Variants in TMEM132D observed in about 807,000 individuals in gnomAD.
The protein encoded by TMEM132D is transmembrane protein 132D.
In TMEM132D, 21 loss-of-function variants were observed where a neutral mutation model predicts 62.3. That is an observed-to-expected ratio of 0.34 (90% CI 0.24 to 0.49). The LOEUF (loss-of-function observed/expected upper bound fraction) is 0.49, where lower values mean the gene tolerates loss of function less well. TMEM132D is among the 20% of genes least tolerant of loss of function. The probability of loss-of-function intolerance (pLI) is 0.99; values close to 1 mark genes in which losing one functional copy is unlikely to be tolerated. For missense variants in TMEM132D, 1,346 were observed against 1,402.8 expected (o/e 0.96, Z 0.65); for synonymous variants, 621 against 575.6 (o/e 1.08, Z -1.13).
chr12:129,408,377 G>A (rs11609780), intron 3 of TMEM132D, among the ~76,000 whole-genome samples: 42,400 of 151,244 alleles, frequency 0.28, 6,991 homozygotes, highest in Non-Finnish European at 0.39. Flanking sequence ...GCTAGCATTT[G>A]AATGAGTGTC....
intron 2 of TMEM132D, among the ~76,000 whole-genome samples, chr12:129,689,983 C>T (rs77395107): frequency 0.034 from 5,166 of 152,180 alleles, 140 homozygotes; most frequent in African/African-American, 0.067. Context: ...AAATAAATGA[C>T]GGTAAAATAA....
At chr12:129,630,182 T>C (rs1438448106) in intron 2 of TMEM132D, among the ~76,000 whole-genome samples, 1 of 152,212 alleles carries the variant, frequency 6.6e-6, no homozygotes, top group Non-Finnish European at 1.5e-5. Flanking sequence ...ACAGGAGCTG[T>C]CCACTTTCAT....
chr12:129,846,223 A>G (rs1873356427), intron 1 of TMEM132D, among the ~76,000 whole-genome samples: 1 of 152,158 alleles, frequency 6.6e-6, no homozygotes, highest in African/African-American at 2.4e-5. Context: ...TCATTTAATT[A>G]CCCATGCACT....
chr12:129,082,055 T>G, intron 6 of TMEM132D, 23 bp from the exon 7 acceptor site: 1 of 1,579,912 alleles, frequency 6.3e-7, no homozygotes, highest in South Asian at 1.2e-5. Flanking sequence ...CAGTGCAGTT[T>G]GCAGACAGTT....
At chr12:129,833,742 A>C (rs1054466248) in intron 1 of TMEM132D, among the ~76,000 whole-genome samples, 4 of 152,212 alleles carry the variant, frequency 2.6e-5, no homozygotes, top group African/African-American at 9.7e-5. Context: ...TGCCACAGGC[A>C]CCGTCCCCAA....
intron 2 of TMEM132D, among the ~76,000 whole-genome samples, chr12:129,603,129 G>C (rs192560058): frequency 6.6e-6 from 1 of 152,272 alleles, no homozygotes; most frequent in Admixed American, 6.5e-5. Context: ...TGTTACAACT[G>C]AGGAACCTAT....
At chr12:129,164,914 T>C (rs1011131230) in intron 5 of TMEM132D, among the ~76,000 whole-genome samples, 1 of 152,104 alleles carries the variant, frequency 6.6e-6, no homozygotes, top group African/African-American at 2.4e-5. Flanking sequence ...AATCAAAACA[T>C]ATGTCTTCAT....
At chr12:129,479,454 T>G (rs1237594927) in intron 3 of TMEM132D, among the ~76,000 whole-genome samples, 1 of 152,154 alleles carries the variant, frequency 6.6e-6, no homozygotes, top group African/African-American at 2.4e-5. Flanking sequence ...TGGCCTTCAT[T>G]GCTCTCTGGC....
At chr12:129,709,462 G>A (rs1413689716) in intron 1 of TMEM132D, among the ~76,000 whole-genome samples, 2 of 152,184 alleles carry the variant, frequency 1.3e-5, no homozygotes, top group Admixed American at 1.3e-4. Flanking sequence ...TTATGAGACT[G>A]TAAAAAACTC....
rs189542372 is a variant in TMEM132D, at chr12:129,078,454, G to T, written c.2115+80C>A. ...ATGATCCCACTCTATTGTGCGACCC[G>T]CCTGGCGTGGTGCCTGCCTGGTGTG... On this transcript the variant is annotated intron_variant, in intron 8 of 8. Coordinates refer to ENST00000422113, the MANE Select transcript of TMEM132D (RefSeq NM_133448.3). 127 of 1,439,490 alleles carry T rather than the reference G, an allele frequency of 8.8e-5. 1 individual carries two copies. In the East Asian group the frequency reaches 2.9e-3, roughly 33 times the overall value. The allele number at this position is 1,439,490 out of a possible 1,614,324, so 89.2% of individuals were successfully genotyped here. A position where few individuals can be genotyped will look rare whatever the true frequency, so the allele number is the denominator to read the frequency against.
At chr12:129,229,098 C>T (rs989502879) in intron 4 of TMEM132D, among the ~76,000 whole-genome samples, 6 of 152,172 alleles carry the variant, frequency 3.9e-5, no homozygotes, top group Non-Finnish European at 7.3e-5. Context: ...GAGCAACACA[C>T]GTGTGATCCA....
rs573006787 is a variant in TMEM132D, at chr12:129,367,005, C to T, written c.1116-29188G>A. Among the ~76,000 whole-genome samples the T allele has an allele frequency of 2.0e-5, 3 of 152,278 alleles. 1 individual carries two copies. The highest frequency in any genetic ancestry group is 4.8e-5 in the African/African-American group (2 of 41,550). On this transcript the variant is annotated intron_variant, in intron 3 of 8. Coordinates refer to ENST00000422113, the MANE Select transcript of TMEM132D (RefSeq NM_133448.3). ...GCAGCGAGAAGACAAGGATCTTCAGCCTCTGAGACAACGAATGGACTGTGC... is the reference window on the plus strand; with the variant it reads ...GCAGCGAGAAGACAAGGATCTTCAGTCTCTGAGACAACGAATGGACTGTGC...
intron 3 of TMEM132D, among the ~76,000 whole-genome samples, chr12:129,452,158 C>T (rs1873311006): frequency 6.6e-6 from 1 of 152,180 alleles, no homozygotes; most frequent in Admixed American, 6.5e-5. Context: ...TCCATCTGGC[C>T]CACTTTACAG....
At chr12:129,351,127 G>A (rs372666049) in intron 3 of TMEM132D, among the ~76,000 whole-genome samples, 19 of 152,126 alleles carry the variant, frequency 1.2e-4, no homozygotes, top group African/African-American at 4.3e-4. Context: ...CCTTCTCTTC[G>A]GGGATGGTTA....
intron 1 of TMEM132D, among the ~76,000 whole-genome samples, chr12:129,892,088 T>C (rs551297767): frequency 7.2e-5 from 11 of 152,318 alleles, no homozygotes; most frequent in African/African-American, 2.6e-4. Flanking sequence ...AAAAAACTTA[T>C]TCACAGGAGG....
intron 5 of TMEM132D, among the ~76,000 whole-genome samples, chr12:129,189,423 G>C (rs1878319289): frequency 6.6e-6 from 1 of 152,122 alleles, no homozygotes; most frequent in Non-Finnish European, 1.5e-5. Context: ...TCAGAATCAG[G>C]GCCAAGAGAT....
At chr12:129,104,073 T>A (rs1050311631) in intron 5 of TMEM132D, among the ~76,000 whole-genome samples, 3 of 150,634 alleles carry the variant, frequency 2.0e-5, no homozygotes, top group Non-Finnish European at 4.4e-5. Flanking sequence ...AAAAAGAGCC[T>A]GCATCGCCAA....
chr12:129,680,321 C>T (rs544324602), intron 2 of TMEM132D, among the ~76,000 whole-genome samples: 1 of 152,268 alleles, frequency 6.6e-6, no homozygotes, highest in South Asian at 2.1e-4. Flanking sequence ...AATCCTACAA[C>T]TACCCAAAAA....
intron 3 of TMEM132D, among the ~76,000 whole-genome samples, chr12:129,414,605 T>G (rs1327830822): frequency 6.6e-6 from 1 of 152,254 alleles, no homozygotes; most frequent in Non-Finnish European, 1.5e-5. Context: ...ACAATCAGGA[T>G]AACTGACATA....
Sources: allele counts gnomAD v4.1 joint callset (sites outside exome capture counted in the v4.1 genomes callset), GRCh38; gene constraint gnomAD v4.1.1; transcripts MANE v1.5; gene names NCBI Gene and HGNC (gene_info 2026-07-23, HGNC 2026-07-21).